NAPA: variants seen among roughly 807,000 people sequenced by gnomAD.
The protein encoded by NAPA is alpha-soluble NSF attachment protein.
NAPA carries 18 observed loss-of-function variants against 48.0 expected under a neutral mutation model. The observed-to-expected ratio is 0.38, with a 90% CI of 0.26 to 0.56. NAPA has a LOEUF of 0.56. Ranked by LOEUF, NAPA falls within the 20% of genes least tolerant of loss-of-function variation. The pLI is 0.77. For synonymous variants in NAPA, 152 were observed against 149.9 expected, an observed-to-expected ratio of 1.01 and a Z score of -0.10; for missense variants, 315 against 385.0, an observed-to-expected ratio of 0.82 and a Z score of 1.52.
rs149164235 is a variant in NAPA, at chr19:47,499,450, C to T, written c.295+1183G>A. ...CCATGTGGTGAATCAAGCTTAAAAC[C>T]AACCCAGGGTCTCCCTGGGTCATCA... On this transcript the variant is annotated intron_variant, in intron 3 of 10. Transcript: ENST00000263354. 6.0e-3 allele frequency among the ~76,000 whole-genome samples: 907 copies of T among 152,316 alleles called. 8 individuals carry two copies. The highest frequency in any genetic ancestry group is 0.021 in the African/African-American group (863 of 41,568).
chr19:47,510,657 T>A (rs527954229), intron 1 of NAPA, among the ~76,000 whole-genome samples: 3 of 152,160 alleles, frequency 2.0e-5, no homozygotes, highest in African/African-American at 7.2e-5. Flanking sequence ...ACATCAGGGA[T>A]GAGGAAAAGC....
chr19:47,495,755 A>G, intron 3 of NAPA, 159 bp from the exon 4 acceptor site: 1 of 675,784 alleles, frequency 1.5e-6, no homozygotes, highest in Non-Finnish European at 2.6e-6. Context: ...GGGGCTGGGA[A>G]GAAGGGGACG....
downstream of NAPA, chr19:47,487,550 C>T (rs1968105940): frequency 6.6e-6 from 1 of 152,362 alleles, no homozygotes; most frequent in Admixed American, 6.5e-5. Context: ...AAGAGCTCGC[C>T]CAGAGTCTGG....
rs1489484249 is a variant in NAPA, at chr19:47,488,025, G to C, written c.*263C>G. 1 of 384,124 alleles carries C rather than the reference G, an allele frequency of 2.6e-6. No individual in the cohort carries two copies. The highest frequency in any genetic ancestry group is 4.9e-6 in the Non-Finnish European group (1 of 205,280). 23.8% of individuals were successfully genotyped at this position (384,124 alleles called of 1,614,324 possible). Reference sequence around the variant, plus strand: ...AGGTCTGTATCAAAGATTCTGTACAGCTGGTTTTGGGGGTGAAGGGCACCT... The same window carrying C: ...AGGTCTGTATCAAAGATTCTGTACACCTGGTTTTGGGGGTGAAGGGCACCT... On this transcript the variant is annotated 3_prime_UTR_variant, in exon 11 of 11. Transcript: ENST00000263354.
chr19:47,487,195 C>A (rs1352119023), downstream of NAPA, among the ~76,000 whole-genome samples: 1 of 152,210 alleles, frequency 6.6e-6, no homozygotes, highest in Non-Finnish European at 1.5e-5. Context: ...CTTCCTCCCC[C>A]GTCCTGTGAC....
chr19:47,500,900 C>A, intron 2 of NAPA, 151 bp from the exon 3 acceptor site: 1 of 548,948 alleles, frequency 1.8e-6, no homozygotes. Context: ...GAGCCCAGAC[C>A]GAGGCCTAGA....
chr19:47,496,825 GT>G (rs1968437492), intron 3 of NAPA: 2 of 455,620 alleles, frequency 4.4e-6, no homozygotes, highest in Non-Finnish European at 8.8e-6. Flanking sequence ...CTTCTGACAT[GT>G]AAACAGTGGG....
At chr19:47,501,971 G>A (rs936884518) in intron 2 of NAPA, among the ~76,000 whole-genome samples, 2 of 152,028 alleles carry the variant, frequency 1.3e-5, no homozygotes, top group African/African-American at 4.8e-5. Flanking sequence ...GGCCAGGCGC[G>A]GTGGCTCATG....
intron 3 of NAPA, among the ~76,000 whole-genome samples, chr19:47,498,473 G>A (rs1968488883): frequency 6.6e-6 from 1 of 152,176 alleles, no homozygotes; most frequent in South Asian, 2.1e-4. Context: ...AACAGACGAG[G>A]AAACAGAGGC....
intron 3 of NAPA, chr19:47,496,510 G>C (rs1487927193): frequency 6.3e-6 from 1 of 157,954 alleles, no homozygotes; most frequent in Non-Finnish European, 1.4e-5. Context: ...GGAGGACAGG[G>C]GTGTTGTGGG....
chr19:47,494,459 C>T (rs1335678231), intron 4 of NAPA, among the ~76,000 whole-genome samples: 1 of 152,058 alleles, frequency 6.6e-6, no homozygotes, highest in Non-Finnish European at 1.5e-5. Flanking sequence ...AGGAGCTGGC[C>T]AGGCACGGTG....
downstream of NAPA, among the ~76,000 whole-genome samples, chr19:47,484,760 A>G (rs1052793657): frequency 1.4e-5 from 2 of 142,388 alleles, no homozygotes; most frequent in Non-Finnish European, 3.0e-5. Context: ...CCTGGAGTGC[A>G]GTGGTGCGAT....
At chr19:47,492,531 T>A in intron 7 of NAPA, 1 of 383,306 alleles carries the variant, frequency 2.6e-6, no homozygotes, top group South Asian at 2.3e-5. Flanking sequence ...TTCTCGGCCA[T>A]CACCCAGGGC....
At chr19:47,492,918 G>A in intron 7 of NAPA, 43 bp downstream of exon 7, 1 of 1,593,278 alleles carries the variant, frequency 6.3e-7, no homozygotes, top group Non-Finnish European at 8.6e-7. Flanking sequence ...CACAGGCCCT[G>A]AGAGGGGGCA....
chr19:47,490,493 GATGTGTGTGGTGTGGTGTGT>G (rs1568463073), intron 9 of NAPA, among the ~76,000 whole-genome samples: 3 of 84,354 alleles, frequency 3.6e-5, no homozygotes, highest in Non-Finnish European at 7.3e-5. Flanking sequence ...GGTGTGGTGT[GATGTGTGTGGTGTGGTGTGT>G]GTAGTGTATG....
intron 4 of NAPA, 121 bp downstream of exon 4, chr19:47,495,429 C>T: frequency 1.8e-6 from 2 of 1,128,882 alleles, no homozygotes; most frequent in Non-Finnish European, 2.6e-6. Flanking sequence ...CTCCCACTTC[C>T]CCCTCCCCAA....
At chr19:47,499,596 C>T (rs956358434) in intron 3 of NAPA, among the ~76,000 whole-genome samples, 5 of 152,266 alleles carry the variant, frequency 3.3e-5, no homozygotes, top group African/African-American at 1.2e-4. Flanking sequence ...CATGTGACCA[C>T]TGAGGCCAAC....
intron 1 of NAPA, among the ~76,000 whole-genome samples, chr19:47,511,624 G>C (rs1000165342): frequency 6.6e-6 from 1 of 152,222 alleles, no homozygotes; most frequent in Non-Finnish European, 1.5e-5. Flanking sequence ...CAGCAAAGGG[G>C]CTAAGTGAGA....
At chr19:47,498,280 T>C (rs559659290) in intron 3 of NAPA, among the ~76,000 whole-genome samples, 7 of 151,940 alleles carry the variant, frequency 4.6e-5, no homozygotes, top group African/African-American at 1.7e-4. Flanking sequence ...CCAGGCAAGG[T>C]TCCAAATCGG....
Sources: gnomAD v4.1 joint callset for allele counts (sites outside exome capture counted in the v4.1 genomes callset) on GRCh38, gnomAD v4.1.1 for gene constraint, MANE v1.5 for transcripts, NCBI Gene and HGNC (gene_info 2026-07-23, HGNC 2026-07-21) for gene names.